STRIP1: variants seen among roughly 807,000 people sequenced by gnomAD.
The protein encoded by STRIP1 is striatin-interacting protein 1.
A neutral mutation model predicts 106.2 loss-of-function variants in STRIP1; 63 were observed. The ratio of observed to expected loss-of-function variants is 0.59; its 90% CI spans 0.48 to 0.73. The LOEUF (loss-of-function observed/expected upper bound fraction) is 0.73, where lower values mean the gene tolerates loss of function less well. Among genes scored for constraint, STRIP1 ranks in the 30% least tolerant of loss-of-function variants. The probability of loss-of-function intolerance (pLI) is 0.00; values close to 1 mark genes in which losing one functional copy is unlikely to be tolerated. For synonymous variants in STRIP1, 390 were observed against 413.0 expected, an observed-to-expected ratio of 0.94 and a Z score of 0.67; for missense variants, 857 against 1,074.8, an observed-to-expected ratio of 0.80 and a Z score of 2.83.
At chr1:110,045,145 G>T in intron 12 of STRIP1, 67 bp downstream of exon 12, 1 of 1,456,282 alleles carries the variant, frequency 6.9e-7, no homozygotes. Context: ...CCAGCCTGTA[G>T]GGAGAAGCCT....
intron 1 of STRIP1, among the ~76,000 whole-genome samples, chr1:110,035,626 G>A (rs919881427): frequency 4.6e-5 from 7 of 152,146 alleles, no homozygotes; most frequent in African/African-American, 1.4e-4. Context: ...CATGAATGAA[G>A]ATACTCATGT....
At position 110,034,926 on chromosome 1, in the gene STRIP1, G is replaced by A. The variant is rs559487918; in HGVS notation, c.180+109G>A. 579 of 1,106,380 alleles carry A rather than the reference G, an allele frequency of 5.2e-4. 5 individuals carry two copies. The East Asian group carries it at 0.018, about 33-fold the overall frequency. 68.5% of individuals were successfully genotyped at this position (1,106,380 alleles called of 1,614,324 possible). ...TGGGCTTCCCGGAGGGCTCGGTAGAGTCCGGCCGAGAACTGTCACTATACA... is the reference window on the plus strand; with the variant it reads ...TGGGCTTCCCGGAGGGCTCGGTAGAATCCGGCCGAGAACTGTCACTATACA... On this transcript the variant is annotated intron_variant, in intron 1 of 20. Transcript: ENST00000369795.
rs150025420 is a variant in STRIP1 at position 110,052,780 on chromosome 1, G to A, written c.2267-885G>A. On this transcript the variant is annotated intron_variant, in intron 20 of 20. Transcript: ENST00000369795. ...CCACTGTGCCCAGCCTTCTCAGGGG[G>A]TTCTTGAACTCCTGGGTTCAAGCGA... Among the ~76,000 whole-genome samples, 696 of 152,154 alleles carry A rather than the reference G, an allele frequency of 4.6e-3. 9 individuals carry two copies. The highest frequency in any genetic ancestry group is 0.016 in the African/African-American group (650 of 41,534).
intron 15 of STRIP1, chr1:110,048,119 A>C (rs764798578): frequency 2.1e-6 from 1 of 473,102 alleles, no homozygotes; most frequent in South Asian, 2.4e-5. Context: ...GGGGAAAGTC[A>C]TTTCCTCCTC....
chr1:110,040,335 C>T (rs1652697684), intron 5 of STRIP1, among the ~76,000 whole-genome samples: 1 of 152,190 alleles, frequency 6.6e-6, no homozygotes, highest in South Asian at 2.1e-4. Context: ...GTGCCTGCCA[C>T]CACACCCAGC....
At chr1:110,050,283 G>T (rs1204263316) in intron 17 of STRIP1, 60 bp from the exon 18 acceptor site, 3 of 1,559,618 alleles carry the variant, frequency 1.9e-6, no homozygotes, top group Non-Finnish European at 2.7e-6. Flanking sequence ...AGGCACGGCT[G>T]CTCCACCAGG....
intron 13 of STRIP1, among the ~76,000 whole-genome samples, 172 bp downstream of exon 13, chr1:110,046,923 G>A (rs542656421): frequency 2.6e-4 from 39 of 152,004 alleles, no homozygotes; most frequent in African/African-American, 8.2e-4. Context: ...GGTGGCGGGC[G>A]CCTGTAGTCC....
chr1:110,037,780 A>G lies in STRIP1; in HGVS notation c.181-111A>G, dbSNP rs147716179. 3.7e-4 allele frequency: 268 copies of G among 723,950 alleles called. No individual in the cohort carries two copies. In the East Asian group the frequency reaches 4.4e-3, roughly 12 times the overall value. 44.8% of individuals were successfully genotyped at this position (723,950 alleles called of 1,614,324 possible). ...TTTAGGAAACAAAATGTGAAAAAACATAAAAAAGTGGAGGCAGTGGTGTCC... is the reference window on the plus strand; with the variant it reads ...TTTAGGAAACAAAATGTGAAAAAACGTAAAAAAGTGGAGGCAGTGGTGTCC... On this transcript the variant is annotated intron_variant, in intron 1 of 20. Coordinates refer to ENST00000369795, the MANE Select transcript of STRIP1 (RefSeq NM_033088.4).
rs1181639455 is a variant in STRIP1, at chr1:110,051,756, A to G, written c.2135A>G (p.Tyr712Cys). 6.2e-6 allele frequency: 10 copies of G among 1,613,712 alleles called. No individual in the cohort carries two copies. The highest frequency in any genetic ancestry group is 2.7e-5 in the African/African-American group (2 of 74,892). ...GTGAAACAAGCCATGATGCAGCTCT[A>G]TGTGCTGAAGCTGCTCAAGGTACAG... ...LKVKQAMMQL[Y>C]VLKLLKVQTK... Residue 712 changes from tyrosine to cysteine, a missense_variant, in exon 20 of 21, where the codon TAT becomes TGT. Transcript: ENST00000369795.
chr1:110,049,017 TG>T, intron 15 of STRIP1, 94 bp from the exon 16 acceptor site: 1 of 1,485,316 alleles, frequency 6.7e-7, no homozygotes, highest in Non-Finnish European at 9.2e-7. Context: ...TAGGAGTCTT[TG>T]CCCAGGGAGG....
chr1:110,044,739 C>A, intron 10 of STRIP1, 101 bp from the exon 11 acceptor site: 6 of 1,130,476 alleles, frequency 5.3e-6, no homozygotes, highest in Non-Finnish European at 7.7e-6. Context: ...CTTCTCCTGG[C>A]TTCACAGTTT....
At chr1:110,045,808 A>G (rs538784489) in intron 12 of STRIP1, among the ~76,000 whole-genome samples, 1 of 151,748 alleles carries the variant, frequency 6.6e-6, no homozygotes, top group Non-Finnish European at 1.5e-5. Flanking sequence ...TTCTAAAGAG[A>G]AAAGAGAAGG....
At chr1:110,050,118 A>T in intron 17 of STRIP1, 1 of 540,694 alleles carries the variant, frequency 1.8e-6, no homozygotes, top group East Asian at 3.3e-5. Flanking sequence ...CCCTTACAAG[A>T]TCAACAAGCT....
intron 12 of STRIP1, 31 bp from the exon 13 acceptor site, chr1:110,046,649 C>T: frequency 6.2e-7 from 1 of 1,606,960 alleles, no homozygotes; most frequent in African/African-American, 1.3e-5. Flanking sequence ...AATGTTTTCC[C>T]CAGCCCTTCT....
At chr1:110,049,951 C>T (rs979229200) in intron 17 of STRIP1, 1 of 327,646 alleles carries the variant, frequency 3.1e-6, no homozygotes, top group South Asian at 3.9e-5. Context: ...GGCCTGGTGC[C>T]AGCTGTGCTT....
Position 110,044,855 on chromosome 1 carries a change from G to C in STRIP1, c.1302G>C (p.Glu434Asp). ...GATGTGGCAGAGAGAAAGACATTGA[G>C]ATGTTCCTTGAGTCCAGCCGCAGCA... ...WAPKVREKDIEMFLESSRSKF... is the reference protein window; with the variant it reads ...WAPKVREKDIDMFLESSRSKF... The change falls in exon 11 of 21, where the codon GAG becomes GAC. Residue 434 changes from glutamate (E) to aspartate (D), a missense_variant. Glu to Asp is a conservative substitution (Grantham distance 45). This residue lies in a region of STRIP1 where 750 missense variants were observed against 989.8 expected (regional missense o/e 0.76). Coordinates refer to ENST00000369795, the MANE Select transcript of STRIP1 (RefSeq NM_033088.4). The C allele has an allele frequency of 6.2e-7, 1 of 1,614,164 alleles. No individual in the cohort carries two copies. Among genetic ancestry groups the C allele is most frequent in the Non-Finnish European group, 8.5e-7 (1 of 1,180,028 alleles).
rs1306125008 is a variant in STRIP1, at chr1:110,039,522, A to G, written c.581+7A>G. The G allele has an allele frequency of 1.3e-6, 2 of 1,595,232 alleles. No individual in the cohort carries two copies. Among genetic ancestry groups the G allele is most frequent in the Non-Finnish European group, 8.5e-7 (1 of 1,170,816 alleles). The stretch of plus-strand genomic sequence containing the variant: ...TTCTGAACATGGAAATAGAGTGAGC[A>G]TTTTTGAGAGGCTGAGTAGGGAAGG... On this transcript the variant is annotated splice_region_variant and intron_variant, in intron 5 of 20. Coordinates refer to ENST00000369795, the MANE Select transcript of STRIP1 (RefSeq NM_033088.4).
At chr1:110,047,393 C>T in intron 13 of STRIP1, 149 bp from the exon 14 acceptor site, 1 of 646,400 alleles carries the variant, frequency 1.5e-6, no homozygotes, top group Non-Finnish European at 2.8e-6. Flanking sequence ...ATGCTTGGCA[C>T]ATTGTTTGTG....
In STRIP1 at chr1:110,034,771, G is replaced by C; in HGVS notation, c.134G>C (p.Gly45Ala). Residue 45 changes from glycine to alanine, a missense_variant, in exon 1 of 21, where the codon GGG becomes GCG. By Grantham distance (60) the Gly-to-Ala change is moderately conservative. Coordinates refer to ENST00000369795, the MANE Select transcript of STRIP1 (RefSeq NM_033088.4). ...APRAAAGLLP[G>A]GKAREFNRNQ... ...CGGGCCGCCGCGGGCCTCCTGCCTG[G>C]GGGCAAAGCCCGCGAGTTCAACCGC... The C allele has an allele frequency of 2.8e-6, 4 of 1,442,010 alleles. No homozygotes were observed. In the South Asian group the frequency reaches 4.4e-5, roughly 16 times the overall value. The allele number at this position is 1,442,010 out of a possible 1,614,324, so 89.3% of individuals were successfully genotyped here.
Sources: allele counts gnomAD v4.1 joint callset (sites outside exome capture counted in the v4.1 genomes callset), GRCh38; gene constraint gnomAD v4.1.1; regional missense constraint gnomAD v4.1.1; transcripts MANE v1.5; gene names NCBI Gene and HGNC (gene_info 2026-07-23, HGNC 2026-07-21).